Variants in LEF1 observed in about 807,000 individuals in gnomAD.
The protein encoded by LEF1 is lymphoid enhancer-binding factor 1.
LEF1 carries 14 observed loss-of-function variants against 51.2 expected under a neutral mutation model. The ratio of observed to expected loss-of-function variants is 0.27; its 90% CI spans 0.18 to 0.43. The LOEUF is 0.43. Among genes scored for constraint, LEF1 ranks in the 20% least tolerant of loss-of-function variants. LEF1 has a pLI of 1.00. For synonymous variants in LEF1, 185 were observed against 183.2 expected, an observed-to-expected ratio of 1.01 and a Z score of -0.08; for missense variants, 386 against 512.0, an observed-to-expected ratio of 0.75 and a Z score of 2.37.
chr4:108,076,516 T>G (rs936556560), intron 8 of LEF1, among the ~76,000 whole-genome samples: 1 of 152,082 alleles, frequency 6.6e-6, no homozygotes, highest in African/African-American at 2.4e-5. Context: ...GCTGAGATTA[T>G]AGGCATCCAC....
chr4:108,133,945 C>T (rs1578382548), intron 3 of LEF1, among the ~76,000 whole-genome samples: 1 of 152,276 alleles, frequency 6.6e-6, no homozygotes, highest in South Asian at 2.1e-4. Flanking sequence ...TATCTGAAAT[C>T]CTTGGGGCTG....
rs1745523758 is a variant in LEF1, at chr4:108,167,955, C to T, written c.-188G>A. 1 of 321,942 alleles carries T rather than the reference C, an allele frequency of 3.1e-6. No individual in the cohort carries two copies. The highest frequency in any genetic ancestry group is 2.2e-5 in the African/African-American group (1 of 45,622). 19.9% of individuals were successfully genotyped at this position (321,942 alleles called of 1,614,324 possible). ...GCAGCCGGAGCAGCTGCCGCGGCGC[C>T]CGAATCCCGGCGGCCGCCGCGCTTT... On this transcript the variant is annotated 5_prime_UTR_variant, in exon 1 of 12. Coordinates refer to ENST00000265165, the MANE Select transcript of LEF1 (RefSeq NM_016269.5). The surrounding 1 kb of genome is among the most constrained non-coding windows in gnomAD (Gnocchi z 5.7).
intron 1 of LEF1, chr4:108,166,569 C>T (rs11947538): frequency 1.1e-5 from 13 of 1,191,052 alleles, no homozygotes; most frequent in Non-Finnish European, 1.4e-5. Flanking sequence ...CAGCTCTGGA[C>T]TAGGCTTCAA....
At chr4:108,147,237 G>A (rs1744051469) in intron 3 of LEF1, among the ~76,000 whole-genome samples, 1 of 151,710 alleles carries the variant, frequency 6.6e-6, no homozygotes, top group Non-Finnish European at 1.5e-5. Flanking sequence ...CCTCTACCAC[G>A]AGATTAGCAA....
chr4:108,111,285 C>T (rs1741514721), intron 3 of LEF1, among the ~76,000 whole-genome samples: 2 of 152,148 alleles, frequency 1.3e-5, no homozygotes, highest in Admixed American at 1.3e-4. Flanking sequence ...GTGATGACTG[C>T]ACAAGAGATG....
At chr4:108,096,513 A>G (rs1469162721) in intron 3 of LEF1, among the ~76,000 whole-genome samples, 1 of 152,222 alleles carries the variant, frequency 6.6e-6, no homozygotes, top group Non-Finnish European at 1.5e-5. Flanking sequence ...CAGTATGCAC[A>G]GGGGAGGACA....
At chr4:108,086,236 T>C (rs1739637861) in intron 4 of LEF1, among the ~76,000 whole-genome samples, 1 of 152,176 alleles carries the variant, frequency 6.6e-6, no homozygotes, top group Non-Finnish European at 1.5e-5. Context: ...CATCATTTTT[T>C]TTTAAGTTTA....
chr4:108,076,451 C>T (rs553593894), intron 8 of LEF1, among the ~76,000 whole-genome samples: 2 of 152,122 alleles, frequency 1.3e-5, no homozygotes, highest in South Asian at 4.1e-4. Flanking sequence ...TCACTGCAAC[C>T]TCCGCCTCCC....
intron 3 of LEF1, among the ~76,000 whole-genome samples, chr4:108,147,036 G>C (rs1482471436): frequency 6.6e-6 from 1 of 152,134 alleles, no homozygotes; most frequent in Non-Finnish European, 1.5e-5. Flanking sequence ...GGAAGTGCAG[G>C]AGGAGCACTT....
intron 3 of LEF1, among the ~76,000 whole-genome samples, chr4:108,104,450 ATAT>A (rs1403461058): frequency 6.8e-6 from 1 of 146,860 alleles, no homozygotes; most frequent in Admixed American, 6.8e-5. Context: ...AATACAATAA[ATAT>A]TATATATAAA....
At position 108,134,166 on chromosome 4, in the gene LEF1, CA is replaced by C. The variant is rs11369216; in HGVS notation, c.414+29401del. ...AGTTGGATTTTGCCACCAAATTTACCAAAAAAAAAAAAAATCAACTTTCACA... is the reference window on the plus strand; with the variant it reads ...AGTTGGATTTTGCCACCAAATTTACCAAAAAAAAAAAAATCAACTTTCACA... On this transcript the variant is annotated intron_variant, in intron 3 of 11. Transcript: ENST00000265165. 7.7e-3 allele frequency among the ~76,000 whole-genome samples: 1,134 copies of C among 146,914 alleles called. 12 individuals carry two copies. The highest frequency in any genetic ancestry group is 0.026 in the African/African-American group (1,058 of 40,082).
At chr4:108,156,869 G>C (rs568946591) in intron 3 of LEF1, among the ~76,000 whole-genome samples, 5 of 151,784 alleles carry the variant, frequency 3.3e-5, no homozygotes, top group African/African-American at 1.2e-4. Context: ...GGGGTAGGAG[G>C]GGGGTGATGA....
At chr4:108,089,052 G>T in intron 4 of LEF1, 73 bp downstream of exon 4, 3 of 1,566,174 alleles carry the variant, frequency 1.9e-6, no homozygotes, top group Non-Finnish European at 2.6e-6. Context: ...GCATCTGGAA[G>T]GTCACTCAGG....
rs1321044918 is a variant in LEF1, at chr4:108,168,115, C to T, written c.-348G>A. On this transcript the variant is annotated 5_prime_UTR_variant, in exon 1 of 12. Transcript: ENST00000265165. This position sits in a 1 kb window ranked among gnomAD's most constrained non-coding sequence, Gnocchi z 4.6. ...GACGAGGCTGCCCCGGCGGCCACCC[C>T]GCGACCCCGCGTCGCCGGGATTTGC... 6.5e-6 allele frequency: 1 copy of T among 152,906 alleles called. No homozygotes were observed. Among genetic ancestry groups the T allele is most frequent in the African/African-American group, 2.4e-5 (1 of 41,464 alleles). 9.5% of individuals were successfully genotyped at this position (152,906 alleles called of 1,614,324 possible).
chr4:108,098,908 A>T (rs757074423), intron 3 of LEF1, among the ~76,000 whole-genome samples: 1 of 152,160 alleles, frequency 6.6e-6, no homozygotes, highest in African/African-American at 2.4e-5. Flanking sequence ...TGAACATGTA[A>T]ATTTGATATT....
intron 8 of LEF1, chr4:108,072,961 T>G (rs1228619147): frequency 6.6e-6 from 1 of 152,190 alleles, no homozygotes; most frequent in Non-Finnish European, 1.5e-5. Flanking sequence ...GTTGCTGGAG[T>G]ACAGTGGTGT....
chr4:108,080,854 A>G (rs1002237368), intron 6 of LEF1, among the ~76,000 whole-genome samples: 3 of 152,224 alleles, frequency 2.0e-5, no homozygotes, highest in Non-Finnish European at 4.4e-5. Context: ...CGGCACAATA[A>G]TGCTAGCTCC....
intron 3 of LEF1, among the ~76,000 whole-genome samples, chr4:108,138,344 C>T (rs773565714): frequency 1.3e-5 from 2 of 152,104 alleles, no homozygotes; most frequent in Non-Finnish European, 2.9e-5. Flanking sequence ...TGCCTTTACA[C>T]AAGCCTATGG....
At chr4:108,055,281 C>T (rs867935219) in intron 11 of LEF1, among the ~76,000 whole-genome samples, 14 of 152,258 alleles carry the variant, frequency 9.2e-5, no homozygotes, top group African/African-American at 3.1e-4. Flanking sequence ...TATTAAAAAG[C>T]AGTTTCTTAA....
Sources: gnomAD v4.1 joint callset for allele counts (sites outside exome capture counted in the v4.1 genomes callset) on GRCh38, gnomAD v4.1.1 for gene constraint, Gnocchi (gnomAD v3.1) non-coding constraint, MANE v1.5 for transcripts, NCBI Gene and HGNC (gene_info 2026-07-23, HGNC 2026-07-21) for gene names.